Variants in ALS2 observed in about 807,000 individuals in gnomAD.
ALS2 encodes the protein alsin.
Under a neutral mutation model 203.4 loss-of-function variants are expected in ALS2, and 117 were observed. The observed-to-expected ratio is 0.58, with a 90% CI of 0.50 to 0.67. ALS2 has a LOEUF of 0.67. ALS2 is among the 30% of genes least tolerant of loss of function. ALS2 has a pLI of 0.00. For synonymous variants in ALS2, 718 were observed against 725.9 expected (o/e 0.99, Z 0.17); for missense variants, 1,715 against 1,989.4 (o/e 0.86, Z 2.62).
intron 24 of ALS2, among the ~76,000 whole-genome samples, chr2:201,716,942 A>G (rs1421550884): frequency 3.3e-5 from 5 of 152,182 alleles, no homozygotes; most frequent in Non-Finnish European, 7.3e-5. Flanking sequence ...TGCAATCAAT[A>G]AAGAAAAACA....
At chr2:201,708,491 C>A (rs1367987905) in intron 27 of ALS2, among the ~76,000 whole-genome samples, 1 of 152,208 alleles carries the variant, frequency 6.6e-6, no homozygotes, top group Non-Finnish European at 1.5e-5. Context: ...CTGGTGTACC[C>A]ATCACCTGAA....
chr2:201,746,658 A>G lies in ALS2; in HGVS notation c.1906T>C (p.Tyr636His). ...GTAGGGTCCTGTCGGCCACTGTAAT[A>G]TAACCCAGGCTGGAAGTCTTCTGTA... ...VDTEDFQPGL[Y>H]YSGRQDPTEG... is the part of the protein sequence containing the mutation. Residue 636 changes from tyrosine to histidine, a missense_variant, in exon 9 of 34, where the codon TAT becomes CAT. Physicochemically the swap from Tyr to His is moderately conservative, Grantham distance 83. This residue lies in a region of ALS2 where 1,227 missense variants were observed against 1,413.5 expected (regional missense o/e 0.87). Coordinates refer to ENST00000264276, the MANE Select transcript of ALS2 (RefSeq NM_020919.4). 1 of 1,614,170 alleles carries G rather than the reference A, an allele frequency of 6.2e-7. No individual in the cohort carries two copies. Among genetic ancestry groups the G allele is most frequent in the Non-Finnish European group, 8.5e-7 (1 of 1,180,016 alleles).
At position 201,704,105 on chromosome 2, in the gene ALS2, A is replaced by G. The variant is rs779860069; in HGVS notation, c.4935+17T>C. The G allele has an allele frequency of 1.3e-6, 2 of 1,587,128 alleles. No homozygotes were observed. Among genetic ancestry groups the G allele is most frequent in the South Asian group, 1.1e-5 (1 of 90,340 alleles). On this transcript the variant is annotated intron_variant, in intron 33 of 33. Transcript: ENST00000264276. ...AGATATGAAGATAAGAAAGTATTAA[A>G]TAATAACTATACTCACCTTCAAGGT...
chr2:201,740,710 A>G (rs1397758354), intron 11 of ALS2, among the ~76,000 whole-genome samples: 1 of 152,210 alleles, frequency 6.6e-6, no homozygotes, highest in Non-Finnish European at 1.5e-5. Flanking sequence ...CTATCTGTAC[A>G]TATTATATAG....
At chr2:201,708,066 T>C in intron 27 of ALS2, 75 bp from the exon 28 acceptor site, 1 of 1,425,734 alleles carries the variant, frequency 7.0e-7, no homozygotes, top group South Asian at 1.2e-5. Flanking sequence ...CACATTTCCA[T>C]TAGTTATGAG....
At chr2:201,722,114 C>G (rs1025483757) in intron 23 of ALS2, 2 of 152,124 alleles carry the variant, frequency 1.3e-5, no homozygotes, top group African/African-American at 2.4e-5. Context: ...TGATAAAGGA[C>G]ATGTATCCAG....
In ALS2 at chr2:201,723,387, C is replaced by T; in HGVS notation, c.3567G>A (p.Val1189=). The part of the protein sequence containing the change: ...WQDDVCQGNG[V]VVTQFGLYYE... The stretch of plus-strand genomic sequence containing the variant: ...AGTATAATCCAAACTGGGTAACCAC[C>T]ACACCATTCCCTTGACACACATCAT... The change falls in exon 22 of 34, where the codon GTG becomes GTA. Residue 1189 remains valine, a synonymous_variant. Transcript: ENST00000264276. 6.2e-7 allele frequency: 1 copy of T among 1,614,100 alleles called. No individual in the cohort carries two copies. The highest frequency in any genetic ancestry group is 8.5e-7 in the Non-Finnish European group (1 of 1,179,992).
chr2:201,733,482 T>C, intron 12 of ALS2, 44 bp from the exon 13 acceptor site: 1 of 1,550,602 alleles, frequency 6.4e-7, no homozygotes, highest in Admixed American at 1.7e-5. Context: ...ATTTTGGAAT[T>C]GGTAATATGT....
chr2:201,705,082 C>T, intron 31 of ALS2, 57 bp downstream of exon 31: 1 of 1,494,324 alleles, frequency 6.7e-7, no homozygotes, highest in Non-Finnish European at 9.3e-7. Context: ...TTAATAATAT[C>T]TTAATAGACC....
chr2:201,729,236 T>G, intron 13 of ALS2, 53 bp from the exon 14 acceptor site: 2 of 1,580,490 alleles, frequency 1.3e-6, no homozygotes, highest in Non-Finnish European at 1.7e-6. Flanking sequence ...AAAACCATTA[T>G]GCAGAATCTG....
rs139801413 is a variant in ALS2 at position 201,748,204 on chromosome 2, T to TTGTGTG, written c.1816-1462_1816-1457dup. On this transcript the variant is annotated intron_variant, in intron 8 of 33. Transcript: ENST00000264276. ...AATCATAGGTGATTTTGTGTGTGTG[T>TTGTGTG]TGTGTGTGTGTGTGTGTGTCTACTA... 6.9e-4 allele frequency among the ~76,000 whole-genome samples: 104 copies of TTGTGTG among 150,680 alleles called. 1 individual carries two copies. In the East Asian group the frequency reaches 0.017, roughly 24 times the overall value.
At chr2:201,755,011 AC>A (rs1199841570) in intron 5 of ALS2, among the ~76,000 whole-genome samples, 1 of 152,208 alleles carries the variant, frequency 6.6e-6, no homozygotes, top group Non-Finnish European at 1.5e-5. Context: ...TTTCTGTACA[AC>A]ATCTAGTGAC....
chr2:201,717,346 G>A (rs1690468707), intron 24 of ALS2, among the ~76,000 whole-genome samples: 1 of 151,662 alleles, frequency 6.6e-6, no homozygotes, highest in African/African-American at 2.4e-5. Flanking sequence ...TGCACCTACA[G>A]TCTCAGCTAC....
intron 5 of ALS2, among the ~76,000 whole-genome samples, chr2:201,755,336 C>T (rs1216572833): frequency 1.3e-5 from 2 of 152,096 alleles, no homozygotes; most frequent in South Asian, 4.2e-4. Flanking sequence ...GATCTCGGCT[C>T]GCAGGAACCT....
Position 201,728,547 on chromosome 2 carries a change from A to C in ALS2, c.2806T>G (p.Phe936Val), listed in dbSNP as rs747436081. ...ACCAGGGCATCATTAAAGAGAATGAACCAATTCACGGAAAACCTCCCAGCA... is the reference window on the plus strand; with the variant it reads ...ACCAGGGCATCATTAAAGAGAATGACCCAATTCACGGAAAACCTCCCAGCA... The part of the protein sequence containing the change: ...QHAGRFSVNW[F>V]ILFNDALVHA... The change falls in exon 15 of 34, where the codon TTC (phenylalanine) becomes GTC (valine). Residue 936 changes from phenylalanine (F) to valine (V), a missense_variant. Transcript: ENST00000264276. 6.2e-7 allele frequency: 1 copy of C among 1,614,112 alleles called. No individual in the cohort carries two copies. Among genetic ancestry groups the C allele is most frequent in the South Asian group, 1.1e-5 (1 of 91,082 alleles).
Position 201,744,263 on chromosome 2 carries a change from C to G in ALS2, c.2165G>C (p.Ser722Thr). 1 of 1,614,058 alleles carries G rather than the reference C, an allele frequency of 6.2e-7. No homozygotes were observed. The highest frequency in any genetic ancestry group is 8.5e-7 in the Non-Finnish European group (1 of 1,179,932). The change falls in exon 10 of 34, where the codon AGT becomes ACT. Residue 722 changes from serine (S) to threonine (T), a missense_variant. By Grantham distance (58) the Ser-to-Thr change is moderately conservative. Around this residue, in one of 3 missense-constraint regions of ALS2, gnomAD observed 1,227 missense variants for 1,413.5 expected, o/e 0.87. Coordinates refer to ENST00000264276, the MANE Select transcript of ALS2 (RefSeq NM_020919.4). Reference sequence around the variant, plus strand: ...GAGAGGGGGTTGCAACTTACCTAAACTGAGAAGAGGCCTGAGAATCTGAGA... The same window carrying G: ...GAGAGGGGGTTGCAACTTACCTAAAGTGAGAAGAGGCCTGAGAATCTGAGA... ...IKSQILRPLLSLENLGTTTTV... is the reference protein window; with the variant it reads ...IKSQILRPLLTLENLGTTTTV...
Position 201,727,293 on chromosome 2 carries a change from A to G in ALS2, c.2913-15T>C, listed in dbSNP as rs1282488516. The G allele has an allele frequency of 2.5e-6, 4 of 1,605,700 alleles. No homozygotes were observed. Among genetic ancestry groups the G allele is most frequent in the South Asian group, 2.2e-5 (2 of 90,906 alleles). ...TTAAGCCATTCCTAAAACGTTCACA[A>G]GGATAAATACCAGGACATTTAACAA... On this transcript the variant is annotated splice_polypyrimidine_tract_variant and intron_variant, in intron 16 of 33. Transcript: ENST00000264276.
At chr2:201,733,481 T>C in intron 12 of ALS2, 43 bp from the exon 13 acceptor site, 2 of 1,560,566 alleles carry the variant, frequency 1.3e-6, no homozygotes, top group Non-Finnish European at 1.8e-6. Flanking sequence ...CATTTTGGAA[T>C]TGGTAATATG....
Position 201,700,744 on chromosome 2 carries a change from G to A in ALS2, c.*1107C>T, listed in dbSNP as rs1393709596. On this transcript the variant is annotated 3_prime_UTR_variant, in exon 34 of 34. Transcript: ENST00000264276. ...TCTGTATGCTCACCACGGTGTAGGA[G>A]ATGAGATGAGGAAGAGCACCTATGT... 1 of 152,624 alleles carries A rather than the reference G, an allele frequency of 6.6e-6. No individual in the cohort carries two copies. The highest frequency in any genetic ancestry group is 1.9e-4 in the East Asian group (1 of 5,194). 9.5% of individuals were successfully genotyped at this position (152,624 alleles called of 1,614,324 possible).
Sources: gnomAD v4.1 joint callset for allele counts (sites outside exome capture counted in the v4.1 genomes callset) on GRCh38, gnomAD v4.1.1 for gene constraint, gnomAD v4.1.1 regional missense constraint, MANE v1.5 for transcripts, NCBI Gene and HGNC (gene_info 2026-07-23, HGNC 2026-07-21) for gene names.